PPP2R2C: variants seen among roughly 807,000 people sequenced by gnomAD.
PPP2R2C encodes the protein protein phosphatase 2, regulatory subunit B, gamma.
A neutral mutation model predicts 45.3 loss-of-function variants in PPP2R2C; 10 were observed. The observed-to-expected ratio is 0.22, with a 90% confidence interval of 0.14 to 0.37. The LOEUF (loss-of-function observed/expected upper bound fraction) is 0.37, where lower values mean the gene tolerates loss of function less well. Among genes scored for constraint, PPP2R2C ranks in the 10% least tolerant of loss-of-function variants. PPP2R2C has a pLI of 1.00. For synonymous variants in PPP2R2C, 257 were observed against 245.4 expected, an observed-to-expected ratio of 1.05 and a Z score of -0.44; for missense variants, 308 against 619.7, an observed-to-expected ratio of 0.50 and a Z score of 5.34.
intron 6 of PPP2R2C, among the ~76,000 whole-genome samples, chr4:6,338,201 G>T (rs192511347): frequency 6.6e-6 from 1 of 152,280 alleles, no homozygotes; most frequent in East Asian, 1.9e-4. Flanking sequence ...GATGGGCCCA[G>T]TCCCATCTCC....
At chr4:6,336,404 G>A (rs1732851361) in intron 6 of PPP2R2C, among the ~76,000 whole-genome samples, 1 of 152,012 alleles carries the variant, frequency 6.6e-6, no homozygotes. Flanking sequence ...AGGCTGCCAG[G>A]GTCTCAATCC....
chr4:6,540,828 C>G (rs1374278959), intron 1 of PPP2R2C, among the ~76,000 whole-genome samples: 1 of 152,200 alleles, frequency 6.6e-6, no homozygotes, highest in Admixed American at 6.5e-5. Flanking sequence ...GCTTCCCAGC[C>G]TGTATCAGTT....
chr4:6,339,180 C>T (rs1171776851), intron 6 of PPP2R2C, among the ~76,000 whole-genome samples: 1 of 152,260 alleles, frequency 6.6e-6, no homozygotes, highest in Admixed American at 6.5e-5. Context: ...CCCTCTGCTG[C>T]CCCCAAGCCG....
chr4:6,498,892 G>C (rs183423126), intron 2 of PPP2R2C, among the ~76,000 whole-genome samples: 1 of 152,270 alleles, frequency 6.6e-6, no homozygotes, highest in African/African-American at 2.4e-5. Context: ...TCTTTTTGGT[G>C]ACAGAAAAGG....
In PPP2R2C at chr4:6,378,269, C is replaced by T; in HGVS notation, c.334+138G>A. 1 of 1,506,996 alleles carries T rather than the reference C, an allele frequency of 6.6e-7. No homozygotes were observed. Among genetic ancestry groups the T allele is most frequent in the African/African-American group, 1.4e-5 (1 of 72,338 alleles). The allele number at this position is 1,506,996 out of a possible 1,614,324, so 93.4% of individuals were successfully genotyped here. A position where few individuals can be genotyped will look rare whatever the true frequency, so the allele number is the denominator to read the frequency against. ...CATACTCACTCATGGGATTTATATGCTGCTCAAAAAGGATATTATTTTCTA... is the reference window on the plus strand; with the variant it reads ...CATACTCACTCATGGGATTTATATGTTGCTCAAAAAGGATATTATTTTCTA... On this transcript the variant is annotated intron_variant, in intron 3 of 8. Transcript: ENST00000382599. This position sits in a 1 kb window ranked among gnomAD's most constrained non-coding sequence, Gnocchi z 5.2.
intron 2 of PPP2R2C, among the ~76,000 whole-genome samples, chr4:6,477,726 G>A (rs1467357005): frequency 9.3e-5 from 7 of 75,548 alleles, no homozygotes; most frequent in Admixed American, 2.3e-4. Flanking sequence ...GCGAGACTCC[G>A]TCTCAAAAAA....
chr4:6,446,103 G>A (rs1720402261), intron 1 of PPP2R2C, among the ~76,000 whole-genome samples: 1 of 152,132 alleles, frequency 6.6e-6, no homozygotes, highest in Non-Finnish European at 1.5e-5. Flanking sequence ...CTGTGAAAAA[G>A]CCAGTAACAG....
At chr4:6,434,344 TTTC>T (rs1719778237) in intron 1 of PPP2R2C, among the ~76,000 whole-genome samples, 1 of 98,404 alleles carries the variant, frequency 1.0e-5, no homozygotes, top group Non-Finnish European at 2.0e-5. Flanking sequence ...CACCTGCGTA[TTTC>T]TTTTTTCTTT....
chr4:6,339,837 C>G (rs1008960926), intron 6 of PPP2R2C, among the ~76,000 whole-genome samples: 1 of 152,174 alleles, frequency 6.6e-6, no homozygotes, highest in South Asian at 2.1e-4. Flanking sequence ...AGGCCATCCA[C>G]GAGGGTGGAG....
intron 1 of PPP2R2C, among the ~76,000 whole-genome samples, chr4:6,460,516 C>T (rs1417671806): frequency 6.6e-6 from 1 of 152,104 alleles, no homozygotes; most frequent in African/African-American, 2.4e-5. Flanking sequence ...AGAAAATGGG[C>T]TGTGTTATTT....
chr4:6,379,557 AG>A (rs1425830716), intron 2 of PPP2R2C, among the ~76,000 whole-genome samples: 1 of 152,252 alleles, frequency 6.6e-6, no homozygotes, highest in African/African-American at 2.4e-5. Context: ...ACACTAAAGG[AG>A]AAAAATTCAA....
At chr4:6,350,717 G>C (rs1318618313) in intron 5 of PPP2R2C, 2 of 985,316 alleles carry the variant, frequency 2.0e-6, no homozygotes, top group Non-Finnish European at 2.4e-6. Context: ...AGTGGCCAGA[G>C]GCTGGTTGCT....
intron 1 of PPP2R2C, among the ~76,000 whole-genome samples, chr4:6,415,687 A>T (rs955495492): frequency 1.3e-5 from 2 of 152,220 alleles, no homozygotes; most frequent in Admixed American, 6.5e-5. Flanking sequence ...TGAATCCTGC[A>T]GAAGCGGGCA....
At chr4:6,373,917 G>C (rs893701161) in intron 4 of PPP2R2C, among the ~76,000 whole-genome samples, 2 of 152,038 alleles carry the variant, frequency 1.3e-5, no homozygotes, top group Non-Finnish European at 1.5e-5. Flanking sequence ...GTGTGTGTGT[G>C]TGTGTGTGTG....
intron 1 of PPP2R2C, among the ~76,000 whole-genome samples, chr4:6,457,227 A>AAAAAAAG (rs1721090010): frequency 6.7e-6 from 1 of 148,924 alleles, no homozygotes; most frequent in South Asian, 2.1e-4. Flanking sequence ...AAAAAAAAAA[A>AAAAAAAG]TAGAGCATGA....
chr4:6,496,563 C>T (rs946027791), intron 2 of PPP2R2C, among the ~76,000 whole-genome samples: 5 of 152,292 alleles, frequency 3.3e-5, no homozygotes, highest in African/African-American at 1.2e-4. Context: ...ACCTTCTGTG[C>T]GTTAAAGTCT....
chr4:6,350,485 G>C lies in PPP2R2C; in HGVS notation c.626-2475C>G. 3.0e-6 allele frequency: 3 copies of C among 985,468 alleles called. No homozygotes were observed. In the African/African-American group the frequency reaches 5.2e-5, roughly 17 times the overall value. 61.0% of individuals were successfully genotyped at this position (985,468 alleles called of 1,614,324 possible). On this transcript the variant is annotated intron_variant, in intron 5 of 8. Coordinates refer to ENST00000382599, the MANE Select transcript of PPP2R2C (RefSeq NM_020416.4). ...GACACACAAAAGCCACAGGAGGCTT[G>C]GTGGCAACAGAAGCGCCCAGGAACG...
At chr4:6,359,675 T>C (rs1037026858) in intron 5 of PPP2R2C, among the ~76,000 whole-genome samples, 1 of 149,372 alleles carries the variant, frequency 6.7e-6, no homozygotes, top group Non-Finnish European at 1.5e-5. Context: ...AGGCACAGCC[T>C]GCTCTCCTGG....
At position 6,329,638 on chromosome 4, in the gene PPP2R2C, C is replaced by T. The variant is rs1732246111; in HGVS notation, c.961-285G>A. 7.6e-6 allele frequency among the ~76,000 whole-genome samples: 1 copy of T among 132,328 alleles called. No individual in the cohort carries two copies. Among genetic ancestry groups the T allele is most frequent in the Admixed American group, 6.9e-5 (1 of 14,406 alleles). 86.8% of individuals were successfully genotyped at this position (132,328 alleles called of 152,430 possible). A position where few individuals can be genotyped will look rare whatever the true frequency, so the allele number is the denominator to read the frequency against. On this transcript the variant is annotated intron_variant, in intron 7 of 8. Coordinates refer to ENST00000382599, the MANE Select transcript of PPP2R2C (RefSeq NM_020416.4). The surrounding 1 kb of genome is among the most constrained non-coding windows in gnomAD (Gnocchi z 5.8). ...GCCCACGACCAGGCACACGGCTGAC[C>T]TCCACCGTGACACAGCCCAATACAG...
Sources: allele counts gnomAD v4.1 joint callset (sites outside exome capture counted in the v4.1 genomes callset), GRCh38; gene constraint gnomAD v4.1.1; non-coding constraint Gnocchi (gnomAD v3.1); transcripts MANE v1.5; gene names NCBI Gene and HGNC (gene_info 2026-07-23, HGNC 2026-07-21).